SCN7A: variants seen among roughly 807,000 people sequenced by gnomAD.
The protein encoded by SCN7A is sodium channel protein type 7 subunit alpha.
In SCN7A, 138 loss-of-function variants were observed where a neutral mutation model predicts 155.2. The ratio of observed to expected loss-of-function variants is 0.89; its 90% confidence interval spans 0.77 to 1.02. The LOEUF (loss-of-function observed/expected upper bound fraction) is 1.02, where lower values mean the gene tolerates loss of function less well. Among genes scored for constraint, SCN7A ranks in the 50% least tolerant of loss-of-function variants. SCN7A has a pLI of 0.00. For synonymous variants in SCN7A, 693 were observed against 649.0 expected, an observed-to-expected ratio of 1.07 and a Z score of -1.03; for missense variants, 2,058 against 1,986.6, an observed-to-expected ratio of 1.04 and a Z score of -0.68.
chr2:166,470,351 T>A (rs534053761), intron 7 of SCN7A, among the ~76,000 whole-genome samples: 1 of 151,980 alleles, frequency 6.6e-6, no homozygotes, highest in Admixed American at 6.6e-5. Flanking sequence ...ATTTAATTTG[T>A]AAGAATTATA....
At position 166,441,445 on chromosome 2, in the gene SCN7A, G is replaced by T; in HGVS notation, c.2108C>A (p.Ser703Tyr). The T allele has an allele frequency of 6.2e-7, 1 of 1,612,768 alleles. No individual in the cohort carries two copies. The highest frequency in any genetic ancestry group is 8.5e-7 in the Non-Finnish European group (1 of 1,179,408). The change falls in exon 15 of 26, where the codon TCC (serine) becomes TAC (tyrosine). Residue 703 changes from serine to tyrosine, a missense_variant. Physicochemically the swap from Ser to Tyr is moderately radical, Grantham distance 144 (BLOSUM62 -2). Transcript: ENST00000643258. Reference protein sequence around the residue: ...LWDCMEVAGQSWCIPFYLMVI... With the variant: ...LWDCMEVAGQYWCIPFYLMVI... ...CATCAGGTAAAAAGGAATACACCAG[G>T]ATTGGCCTGCAACCTCCATACAGTC...
chr2:166,433,845 TAAG>T (rs1332253227), intron 15 of SCN7A, among the ~76,000 whole-genome samples: 1 of 152,120 alleles, frequency 6.6e-6, no homozygotes. Flanking sequence ...TTTGGTCAAA[TAAG>T]AAACAGATGA....
At chr2:166,421,445 AC>A (rs1414387610) in intron 19 of SCN7A, 148 bp from the exon 20 acceptor site, 1 of 438,688 alleles carries the variant, frequency 2.3e-6, no homozygotes, top group East Asian at 3.6e-5. Flanking sequence ...ACTTCAAAAT[AC>A]ATTAATAATC....
intron 19 of SCN7A, 122 bp downstream of exon 19, chr2:166,423,137 T>G (rs556558792): frequency 1.1e-6 from 1 of 925,208 alleles, no homozygotes; most frequent in East Asian, 2.7e-5. Context: ...AAAGGTGTCA[T>G]GTACCAACAA....
Position 166,406,214 on chromosome 2 carries a change from C to T in SCN7A, c.4415G>A (p.Gly1472Glu). The T allele has an allele frequency of 6.2e-7, 1 of 1,612,856 alleles. No individual in the cohort carries two copies. Residue 1472 changes from glycine to glutamate, a missense_variant, in exon 26 of 26, where the codon GGG becomes GAG. Physicochemically the swap from Gly to Glu is moderately conservative, Grantham distance 98 (BLOSUM62 -2). Coordinates refer to ENST00000643258, the MANE Select transcript of SCN7A (RefSeq NM_002976.4). ...VRGDCGNPSV[G>E]IFYFVSYILI... is the part of the protein sequence containing the mutation. ...GATATAACTGACAAAATAAAAAATC[C>T]CAACAGAGGGGTTCCCACAATCTCC...
chr2:166,414,230 A>C (rs1286569317), intron 21 of SCN7A, among the ~76,000 whole-genome samples: 1 of 95,750 alleles, frequency 1.0e-5, no homozygotes. Context: ...ATAAATATAT[A>C]TATCTATATA....
intron 9 of SCN7A, among the ~76,000 whole-genome samples, chr2:166,463,332 T>C (rs1404063447): frequency 1.2e-4 from 18 of 152,208 alleles, no homozygotes; most frequent in Admixed American, 1.2e-3. Context: ...CGCCCTTGTG[T>C]AGTTTTCTCT....
chr2:166,477,070 T>C (rs990520944), intron 3 of SCN7A, among the ~76,000 whole-genome samples: 1 of 152,016 alleles, frequency 6.6e-6, no homozygotes, highest in Admixed American at 6.6e-5. Context: ...TGTATTTACT[T>C]TTCTAACTTC....
rs1263059484 is a variant in SCN7A, at chr2:166,423,352, G to T, written c.2934C>A (p.Ile978=). The T allele has an allele frequency of 6.2e-7, 1 of 1,611,922 alleles. No individual in the cohort carries two copies. The highest frequency in any genetic ancestry group is 1.1e-5 in the South Asian group (1 of 90,858). Residue 978 remains isoleucine, a synonymous_variant, in exon 19 of 26, where the codon ATC becomes ATA. Transcript: ENST00000643258. ...LEYADMIFTY[I]FILEMLLKWM... The stretch of plus-strand genomic sequence containing the variant: ...ATTTTAGAAGCATTTCCAGAATGAA[G>T]ATATAAGTAAAGATCATGTCAGCAT...
rs116501831 is a variant in SCN7A at position 166,424,641 on chromosome 2, T to A, written c.2854-1209A>T. On this transcript the variant is annotated intron_variant, in intron 18 of 25. Coordinates refer to ENST00000643258, the MANE Select transcript of SCN7A (RefSeq NM_002976.4). ...TCTGTATGTCCAAAATAATGGGTCA[T>A]CAAAATATATAAGGCAAAACTGATG... 4.5e-3 allele frequency among the ~76,000 whole-genome samples: 686 copies of A among 152,044 alleles called. 2 individuals are homozygous for A. Among genetic ancestry groups the A allele is most frequent in the Non-Finnish European group, 7.6e-3 (514 of 67,968 alleles).
intron 16 of SCN7A, among the ~76,000 whole-genome samples, 180 bp from the exon 17 acceptor site, chr2:166,429,454 T>A (rs1439938194): frequency 1.3e-5 from 2 of 152,042 alleles, no homozygotes; most frequent in African/African-American, 4.8e-5. Context: ...TGGTAAGAGT[T>A]GAAGTTTAAA....
chr2:166,411,432 C>A (rs1177567406), intron 23 of SCN7A, among the ~76,000 whole-genome samples: 1 of 151,604 alleles, frequency 6.6e-6, no homozygotes, highest in Non-Finnish European at 1.5e-5. Flanking sequence ...ATAATAACCC[C>A]CAAAATGCAA....
At chr2:166,482,065 T>A (rs1283452268) in intron 2 of SCN7A, among the ~76,000 whole-genome samples, 1 of 152,156 alleles carries the variant, frequency 6.6e-6, no homozygotes, top group Non-Finnish European at 1.5e-5. Context: ...TTCAACATCT[T>A]ACAATTTTGG....
At chr2:166,426,475 T>C in intron 18 of SCN7A, among the ~76,000 whole-genome samples, 1 of 152,050 alleles carries the variant, frequency 6.6e-6, no homozygotes, top group Non-Finnish European at 1.5e-5. Flanking sequence ...CAAGCTTAGA[T>C]GTCATTTGCT....
At chr2:166,457,266 G>A (rs945540634) in intron 10 of SCN7A, among the ~76,000 whole-genome samples, 190 bp from the exon 11 acceptor site, 1 of 152,178 alleles carries the variant, frequency 6.6e-6, no homozygotes, top group African/African-American at 2.4e-5. Context: ...CTTGAGACCT[G>A]CATGTAAGGT....
intron 11 of SCN7A, among the ~76,000 whole-genome samples, chr2:166,448,458 T>C (rs140804198): frequency 1.3e-5 from 2 of 152,338 alleles, no homozygotes; most frequent in African/African-American, 4.8e-5. Context: ...TTCTTTCTTT[T>C]GAGTACATAC....
intron 6 of SCN7A, among the ~76,000 whole-genome samples, chr2:166,471,601 T>G (rs1417589103): frequency 6.6e-6 from 1 of 151,796 alleles, no homozygotes; most frequent in Non-Finnish European, 1.5e-5. Context: ...TACTTTAAAT[T>G]ATTTTTAACA....
intron 7 of SCN7A, among the ~76,000 whole-genome samples, chr2:166,467,948 T>C (rs1241174440): frequency 1.3e-5 from 2 of 151,932 alleles, no homozygotes; most frequent in Non-Finnish European, 2.9e-5. Context: ...TTTTCCTTTG[T>C]CAATAAATTT....
intron 15 of SCN7A, among the ~76,000 whole-genome samples, chr2:166,438,874 A>C (rs1314242645): frequency 6.6e-6 from 1 of 151,772 alleles, no homozygotes; most frequent in African/African-American, 2.4e-5. Flanking sequence ...TTTATCCTAG[A>C]ATCCCTCTGC....
Sources: gnomAD v4.1 joint callset for allele counts (sites outside exome capture counted in the v4.1 genomes callset) on GRCh38, gnomAD v4.1.1 for gene constraint, MANE v1.5 for transcripts, NCBI Gene and HGNC (gene_info 2026-07-23, HGNC 2026-07-21) for gene names.